The following RABGAP1L variants were observed in gnomAD, a reference collection of about 807,000 sequenced individuals.
RABGAP1L encodes RAB GTPase activating protein 1 like.
Under a neutral mutation model 137.7 loss-of-function variants are expected in RABGAP1L, and 63 were observed. The ratio of observed to expected loss-of-function variants is 0.46; its 90% confidence interval spans 0.37 to 0.56. The LOEUF is 0.56. Among genes scored for constraint, RABGAP1L ranks in the 20% least tolerant of loss-of-function variants. The probability of loss-of-function intolerance (pLI) is 0.00; values close to 1 mark genes in which losing one functional copy is unlikely to be tolerated. For missense variants in RABGAP1L, 1,095 were observed against 1,244.0 expected, an observed-to-expected ratio of 0.88 and a Z score of 1.80; for synonymous variants, 431 against 433.7, an observed-to-expected ratio of 0.99 and a Z score of 0.08.
intron 13 of RABGAP1L, among the ~76,000 whole-genome samples, chr1:174,613,322 G>A (rs1317128908): frequency 6.6e-6 from 1 of 152,166 alleles, no homozygotes; most frequent in South Asian, 2.1e-4. Flanking sequence ...GTACCCAGTA[G>A]TCATTCAGGA....
chr1:174,418,213 A>G (rs1305999696), intron 13 of RABGAP1L, among the ~76,000 whole-genome samples: 1 of 152,188 alleles, frequency 6.6e-6, no homozygotes, highest in Non-Finnish European at 1.5e-5. Flanking sequence ...ATGATGCTGA[A>G]CTGATTCTAG....
chr1:174,877,079 T>C lies in RABGAP1L; in HGVS notation c.2340+65119T>C, dbSNP rs910324486. Reference sequence around the variant, plus strand: ...ATACTGCAGTAAGAAGATGAGCTATTATGAAAATTTTTAATTACCAAGAAC... The same window carrying C: ...ATACTGCAGTAAGAAGATGAGCTATCATGAAAATTTTTAATTACCAAGAAC... On this transcript the variant is annotated intron_variant, in intron 19 of 25. Coordinates refer to ENST00000681986, the MANE Select transcript of RABGAP1L (RefSeq NM_001366446.1). Among the ~76,000 whole-genome samples the C allele has an allele frequency of 1.4e-4, 21 of 152,308 alleles. No individual in the cohort carries two copies. In the East Asian group the frequency reaches 4.1e-3, roughly 29 times the overall value.
intron 13 of RABGAP1L, among the ~76,000 whole-genome samples, chr1:174,534,524 C>A (rs374144087): frequency 1.6e-4 from 25 of 152,018 alleles, no homozygotes; most frequent in South Asian, 1.2e-3. Flanking sequence ...CGCCTGTAAT[C>A]CCAGCTCTTT....
chr1:174,166,109 TA>T (rs1297202194), intron 1 of RABGAP1L, among the ~76,000 whole-genome samples: 1 of 152,230 alleles, frequency 6.6e-6, no homozygotes, highest in African/African-American at 2.4e-5. Flanking sequence ...AGAGAGCACA[TA>T]AGTATCCTTA....
intron 19 of RABGAP1L, among the ~76,000 whole-genome samples, chr1:174,865,887 G>A (rs1013748635): frequency 2.6e-5 from 4 of 152,164 alleles, no homozygotes; most frequent in African/African-American, 9.7e-5. Flanking sequence ...AAGACTGTAT[G>A]TATCATGTTC....
intron 5 of RABGAP1L, among the ~76,000 whole-genome samples, chr1:174,244,110 C>T (rs78580598): frequency 0.019 from 2,861 of 152,222 alleles, 42 homozygotes; most frequent in Middle Eastern, 0.078. Flanking sequence ...TACTGGTCAT[C>T]CGGTTGTCTG....
chr1:174,877,754 A>T (rs1653384410), intron 19 of RABGAP1L: 1 of 774,382 alleles, frequency 1.3e-6, no homozygotes, highest in Non-Finnish European at 2.0e-6. Flanking sequence ...TTAAACACTC[A>T]TATAACAGTA....
At chr1:174,211,984 A>G (rs1668930785) in intron 1 of RABGAP1L, among the ~76,000 whole-genome samples, 1 of 152,154 alleles carries the variant, frequency 6.6e-6, no homozygotes, top group Admixed American at 6.5e-5. Flanking sequence ...TATATAAAGC[A>G]GATATTAGAG....
intron 13 of RABGAP1L, among the ~76,000 whole-genome samples, chr1:174,470,646 A>T (rs1558261898): frequency 6.6e-6 from 1 of 152,276 alleles, no homozygotes; most frequent in East Asian, 1.9e-4. Context: ...GGATGCCTGT[A>T]GTCCCAGCTA....
intron 13 of RABGAP1L, among the ~76,000 whole-genome samples, chr1:174,401,133 T>C (rs1316553290): frequency 2.0e-5 from 3 of 152,038 alleles, no homozygotes; most frequent in South Asian, 2.1e-4. Flanking sequence ...CACTCTCCAC[T>C]TCAGAAGGAG....
At chr1:174,812,466 T>C (rs1402744080) in intron 19 of RABGAP1L, among the ~76,000 whole-genome samples, 2 of 152,192 alleles carry the variant, frequency 1.3e-5, no homozygotes, top group East Asian at 1.9e-4. Flanking sequence ...CAATTTGAAA[T>C]TGAAAACTCT....
intron 19 of RABGAP1L, among the ~76,000 whole-genome samples, chr1:174,851,099 G>A (rs1449999941): frequency 1.3e-5 from 2 of 152,220 alleles, no homozygotes; most frequent in African/African-American, 2.4e-5. Flanking sequence ...TTTCAGCTTT[G>A]TGATACCCTG....
At chr1:174,540,546 A>G (rs978088165) in intron 13 of RABGAP1L, among the ~76,000 whole-genome samples, 1 of 152,216 alleles carries the variant, frequency 6.6e-6, no homozygotes, top group Non-Finnish European at 1.5e-5. Context: ...TTTATTAAAT[A>G]GGGAATCCTT....
intron 17 of RABGAP1L, among the ~76,000 whole-genome samples, chr1:174,751,379 A>G (rs1684323910): frequency 6.6e-6 from 1 of 152,218 alleles, no homozygotes; most frequent in Admixed American, 6.5e-5. Flanking sequence ...CACATTTGGT[A>G]TAGCTCCATA....
At chr1:174,634,939 C>T (rs185539198) in intron 13 of RABGAP1L, among the ~76,000 whole-genome samples, 3,013 of 144,280 alleles carry the variant, frequency 0.021, 48 homozygotes, top group Middle Eastern at 0.083. Flanking sequence ...TGCTAGATGA[C>T]GAGTTAGTGG....
At chr1:174,438,583 T>G (rs1448242498) in intron 13 of RABGAP1L, among the ~76,000 whole-genome samples, 4 of 151,234 alleles carry the variant, frequency 2.6e-5, no homozygotes, top group Non-Finnish European at 5.9e-5. Context: ...CCAGGCATGG[T>G]GGTGGGCACC....
intron 19 of RABGAP1L, among the ~76,000 whole-genome samples, chr1:174,886,766 AC>A (rs1655216406): frequency 6.6e-6 from 1 of 152,058 alleles, no homozygotes; most frequent in Non-Finnish European, 1.5e-5. Context: ...GATTTTCATA[AC>A]TTTTTTCTTT....
At chr1:174,901,714 C>T (rs1484584555) in intron 19 of RABGAP1L, among the ~76,000 whole-genome samples, 1 of 152,174 alleles carries the variant, frequency 6.6e-6, no homozygotes, top group Non-Finnish European at 1.5e-5. Flanking sequence ...TGTGTTCTTG[C>T]TGGAGAAGTG....
intron 13 of RABGAP1L, among the ~76,000 whole-genome samples, chr1:174,469,158 T>C (rs1657627201): frequency 6.6e-6 from 1 of 152,236 alleles, no homozygotes; most frequent in Non-Finnish European, 1.5e-5. Context: ...TATCAATTGC[T>C]AAGGGTTAGG....
Sources: gnomAD v4.1 joint callset for allele counts (sites outside exome capture counted in the v4.1 genomes callset) on GRCh38, gnomAD v4.1.1 for gene constraint, MANE v1.5 for transcripts, NCBI Gene and HGNC (gene_info 2026-07-23, HGNC 2026-07-21) for gene names.